Variants in PDE10A observed in about 807,000 individuals in gnomAD.
PDE10A encodes the protein cAMP and cAMP-inhibited cGMP 3',5'-cyclic phosphodiesterase 10A.
A neutral mutation model predicts 97.7 loss-of-function variants in PDE10A; 39 were observed. The observed-to-expected ratio is 0.40, with a 90% confidence interval of 0.31 to 0.52. PDE10A has a LOEUF of 0.52. Among genes scored for constraint, PDE10A ranks in the 20% least tolerant of loss-of-function variants. The pLI is 0.56. For missense variants in PDE10A, 731 were observed against 1,047.8 expected, an observed-to-expected ratio of 0.70 and a Z score of 4.17; for synonymous variants, 371 against 376.8, an observed-to-expected ratio of 0.98 and a Z score of 0.18.
rs1289914451 is a variant in PDE10A, at chr6:165,819,954, G to A, written c.-615+167575C>T. ...ACAAGGGCACTATTTTTCAAAATCTGTTGTTAAACTCCTTAAACTCAAGTT... is the reference window on the plus strand; with the variant it reads ...ACAAGGGCACTATTTTTCAAAATCTATTGTTAAACTCCTTAAACTCAAGTT... On this transcript the variant is annotated intron_variant, in intron 1 of 19. Coordinates refer to the PDE10A transcript ENST00000366882. This position sits in a 1 kb window ranked among gnomAD's most constrained non-coding sequence, Gnocchi z 4.2. 6.6e-6 allele frequency among the ~76,000 whole-genome samples: 1 copy of A among 152,112 alleles called. No homozygotes were observed. Among genetic ancestry groups the A allele is most frequent in the Non-Finnish European group, 1.5e-5 (1 of 68,038 alleles).
chr6:165,592,107 T>C (rs1389434339), intron 1 of PDE10A, among the ~76,000 whole-genome samples: 1 of 152,012 alleles, frequency 6.6e-6, no homozygotes. Flanking sequence ...CCAAAACAGA[T>C]ATATATAGAC....
intron 17 of PDE10A, among the ~76,000 whole-genome samples, chr6:165,381,799 A>T (rs1314392148): frequency 2.6e-5 from 4 of 151,980 alleles, no homozygotes; most frequent in Non-Finnish European, 5.9e-5. Flanking sequence ...CTTTACTTTA[A>T]GAGAATCTAG....
chr6:165,759,508 C>T (rs1262529337), intron 1 of PDE10A, among the ~76,000 whole-genome samples: 1 of 152,110 alleles, frequency 6.6e-6, no homozygotes, highest in Non-Finnish European at 1.5e-5. Flanking sequence ...GGAACAGGCT[C>T]TCTGAGACCC....
At chr6:165,596,565 C>CA (rs1042790922) in intron 1 of PDE10A, among the ~76,000 whole-genome samples, 1 of 152,090 alleles carries the variant, frequency 6.6e-6, no homozygotes, top group Admixed American at 6.5e-5. Context: ...CCCTTCTCTA[C>CA]AAAAAATTTA....
intron 1 of PDE10A, among the ~76,000 whole-genome samples, chr6:165,740,417 G>C (rs75569414): frequency 1.3e-5 from 2 of 151,742 alleles, no homozygotes; most frequent in Non-Finnish European, 2.9e-5. Context: ...TGCAACCTCC[G>C]TCCCCCAGGT....
At chr6:165,616,635 T>G (rs779688918) in intron 1 of PDE10A, among the ~76,000 whole-genome samples, 13 of 152,220 alleles carry the variant, frequency 8.5e-5, no homozygotes, top group Non-Finnish European at 1.9e-4. Flanking sequence ...AGGAAATTAT[T>G]ATATATCCGC....
chr6:165,370,619 C>T (rs1784168868), intron 18 of PDE10A, among the ~76,000 whole-genome samples: 1 of 148,762 alleles, frequency 6.7e-6, no homozygotes, highest in Non-Finnish European at 1.5e-5. Flanking sequence ...GACTCCCACA[C>T]AATAATAATG....
At chr6:165,798,309 T>C (rs1778881807) in intron 1 of PDE10A, among the ~76,000 whole-genome samples, 1 of 152,052 alleles carries the variant, frequency 6.6e-6, no homozygotes, top group African/African-American at 2.4e-5. Context: ...AAAATTGAGA[T>C]GAAAAGTGTA....
chr6:165,712,638 T>C (rs1265495205), intron 1 of PDE10A, among the ~76,000 whole-genome samples: 6 of 64,682 alleles, frequency 9.3e-5, no homozygotes, highest in African/African-American at 2.7e-4. Context: ...TTTCTTTTTT[T>C]TTTTTTTTTT....
chr6:165,409,117 A>T (rs935305982), intron 13 of PDE10A, among the ~76,000 whole-genome samples: 2 of 147,572 alleles, frequency 1.4e-5, no homozygotes, highest in Non-Finnish European at 3.0e-5. Context: ...ACAAGCCGAG[A>T]TGGCACCACT....
At position 165,333,327 on chromosome 6, in the gene PDE10A, G is replaced by A. The variant is rs570497144; in HGVS notation, c.3066-200C>T. On this transcript the variant is annotated intron_variant, in intron 21 of 21. Coordinates refer to ENST00000539869, the MANE Select transcript of PDE10A (RefSeq NM_001385079.1). ...GAAAGAGATTCAGAGGTGCCAGAGG[G>A]TCAGGGGCACCTTGGTCCATCCGCT... is the stretch of plus-strand genomic sequence containing the variant. Among the ~76,000 whole-genome samples, 219 of 152,168 alleles carry A rather than the reference G, an allele frequency of 1.4e-3. 1 individual carries two copies. Among genetic ancestry groups the A allele is most frequent in the Admixed American group, 2.6e-3 (40 of 15,288 alleles).
chr6:165,765,995 T>TA (rs1435224287), intron 1 of PDE10A, among the ~76,000 whole-genome samples: 1 of 152,222 alleles, frequency 6.6e-6, no homozygotes, highest in East Asian at 1.9e-4. Context: ...ACACGTCCTC[T>TA]AAAACCCTGA....
At chr6:165,794,398 C>A (rs1035099624) in intron 1 of PDE10A, among the ~76,000 whole-genome samples, 3 of 151,444 alleles carry the variant, frequency 2.0e-5, no homozygotes, top group African/African-American at 7.3e-5. Flanking sequence ...CACACATGCT[C>A]ACACTCATCA....
chr6:165,894,604 C>T (rs1781893298), intron 1 of PDE10A: 1 of 446,006 alleles, frequency 2.2e-6, no homozygotes, highest in African/African-American at 2.0e-5. Context: ...TACTACATAT[C>T]CCGAGGAAGA....
chr6:165,370,993 G>A (rs902705185), intron 18 of PDE10A, among the ~76,000 whole-genome samples: 2 of 132,774 alleles, frequency 1.5e-5, no homozygotes, highest in African/African-American at 3.1e-5. Context: ...GGTACATAAC[G>A]AAATGAAGGC....
intron 2 of PDE10A, among the ~76,000 whole-genome samples, chr6:165,522,789 G>T (rs1015359788): frequency 1.3e-5 from 2 of 152,010 alleles, no homozygotes; most frequent in Non-Finnish European, 2.9e-5. Context: ...CTGGGCAAGA[G>T]AAAGAATTAT....
chr6:165,922,792 CTCAATCTTGGAAACA>C (rs1156749176), intron 1 of PDE10A, among the ~76,000 whole-genome samples: 1 of 152,206 alleles, frequency 6.6e-6, no homozygotes, highest in African/African-American at 2.4e-5. Flanking sequence ...CAACTGTTTT[CTCAATCTTGGAAACA>C]TTCGGTTGAG....
At chr6:165,727,673 G>A (rs1256766787) in intron 1 of PDE10A, among the ~76,000 whole-genome samples, 2 of 152,170 alleles carry the variant, frequency 1.3e-5, no homozygotes, top group Non-Finnish European at 2.9e-5. Context: ...AGACAGCCAG[G>A]AGATCAAAAG....
intron 1 of PDE10A, among the ~76,000 whole-genome samples, chr6:165,761,448 G>A (rs967744030): frequency 5.3e-5 from 6 of 113,942 alleles, no homozygotes; most frequent in South Asian, 6.3e-4. Flanking sequence ...CCCTCCATGC[G>A]GGTCACCCAC....
Sources: gnomAD v4.1 joint callset for allele counts (sites outside exome capture counted in the v4.1 genomes callset) on GRCh38, gnomAD v4.1.1 for gene constraint, Gnocchi (gnomAD v3.1) non-coding constraint, MANE v1.5 for transcripts, NCBI Gene and HGNC (gene_info 2026-07-23, HGNC 2026-07-21) for gene names.